Variants in KIR2DL3 observed in about 807,000 individuals in gnomAD.
KIR2DL3 encodes the protein killer cell immunoglobulin like receptor, two Ig domains and long cytoplasmic tail 3.
In KIR2DL3, 39 loss-of-function variants were observed where a neutral mutation model predicts 33.8. That is an observed-to-expected ratio of 1.15 (90% CI 0.89 to 1.51). The LOEUF is 1.51. KIR2DL3 is among the 40% of genes most tolerant of loss of function. The pLI is 0.00. For missense variants in KIR2DL3, 462 were observed against 426.2 expected, an observed-to-expected ratio of 1.08 and a Z score of -0.74; for synonymous variants, 174 against 160.2, an observed-to-expected ratio of 1.09 and a Z score of -0.65.
intron 5 of KIR2DL3, among the ~76,000 whole-genome samples, chr19:54,749,008 C>T (rs1295116198): frequency 2.6e-5 from 4 of 151,966 alleles, no homozygotes; most frequent in Admixed American, 6.5e-5. Flanking sequence ...ATATTTGTGA[C>T]ATTAATGAAA....
At chr19:54,747,859 C>T (rs1458427599) in intron 5 of KIR2DL3, among the ~76,000 whole-genome samples, 3 of 152,236 alleles carry the variant, frequency 2.0e-5, no homozygotes, top group Non-Finnish European at 4.4e-5. Flanking sequence ...TGCACGCACA[C>T]TTCGACTCAC....
rs144881088 is a variant in KIR2DL3, at chr19:54,751,734, C to G, written c.801C>G (p.Arg267=). 1,106 of 1,469,946 alleles carry G rather than the reference C, an allele frequency of 7.5e-4. 233 individuals are homozygous for G. The African/African-American group carries it at 0.015, about 21-fold the overall frequency. 91.1% of individuals were successfully genotyped at this position (1,469,946 alleles called of 1,614,324 possible). ...FILLLFFLLH[R]WCCNKKNAVV... ...TCCTCCTCTTCTTTCTCCTTCATCG[C>G]TGGTGCTGCAACAAAAAAAGTAAGT... The change falls in exon 6 of 8, where the codon CGC becomes CGG. Residue 267 remains arginine, a synonymous_variant. Coordinates refer to ENST00000342376, the MANE Select transcript of KIR2DL3 (RefSeq NM_015868.3).
intron 2 of KIR2DL3, among the ~76,000 whole-genome samples, chr19:54,739,972 T>C (rs643236): frequency 0.17 from 21,506 of 123,178 alleles, 3 homozygotes; most frequent in South Asian, 0.25. Flanking sequence ...CTGATATCCA[T>C]TCACAAAGGA....
Position 54,742,168 on chromosome 19 carries a change from A to G in KIR2DL3, c.259A>G (p.Ile87Val), listed in dbSNP as rs749473316. Residue 87 changes from isoleucine to valine, a missense_variant, in exon 3 of 8, where the codon ATC (isoleucine) becomes GTC (valine). Physicochemically the swap from Ile to Val is conservative, Grantham distance 29 (BLOSUM62 3). Transcript: ENST00000342376. ...TGGGGTCTCCAAGGCCAACTTCTCCATCGGTCCCATGATGCAAGACCTTGC... is the reference window on the plus strand; with the variant it reads ...TGGGGTCTCCAAGGCCAACTTCTCCGTCGGTCCCATGATGCAAGACCTTGC... The part of the protein sequence containing the change: ...HDGVSKANFS[I>V]GPMMQDLAGT... The G allele has an allele frequency of 1.2e-5, 19 of 1,614,148 alleles. No homozygotes were observed. The highest frequency in any genetic ancestry group is 1.6e-5 in the Non-Finnish European group (19 of 1,180,008).
In KIR2DL3 at chr19:54,744,023, G is replaced by A. The variant is rs1319460528; in HGVS notation, c.599G>A (p.Gly200Asp). 2 of 1,614,228 alleles carry A rather than the reference G, an allele frequency of 1.2e-6. No individual in the cohort carries two copies. Among genetic ancestry groups the A allele is most frequent in the Admixed American group, 1.7e-5 (1 of 60,032 alleles). Residue 200 changes from glycine (G) to aspartate (D), a missense_variant, in exon 4 of 8, where the codon GGC (glycine) becomes GAC (aspartate). Physicochemically the swap from Gly to Asp is moderately conservative, Grantham distance 94. Coordinates refer to ENST00000342376, the MANE Select transcript of KIR2DL3 (RefSeq NM_015868.3). ...CACGGAGGAACCTACAGATGCTTCG[G>A]CTCTTTCCGTGACTCTCCATACGAG... ...ATHGGTYRCFGSFRDSPYEWS... is the reference protein window; with the variant it reads ...ATHGGTYRCFDSFRDSPYEWS...
intron 5 of KIR2DL3, among the ~76,000 whole-genome samples, chr19:54,748,177 A>G (rs1296078136): frequency 2.0e-5 from 3 of 151,122 alleles, no homozygotes; most frequent in African/African-American, 7.3e-5. Context: ...GACTGGTCAC[A>G]TCTCACATGG....
chr19:54,748,638 T>C (rs561169264), intron 5 of KIR2DL3, among the ~76,000 whole-genome samples: 2,230 of 147,362 alleles, frequency 0.015, 82 homozygotes, highest in African/African-American at 0.052. Flanking sequence ...CTTTTGTTTA[T>C]TGAGACAGAG....
intron 1 of KIR2DL3, 70 bp downstream of exon 1, chr19:54,738,649 G>C (rs1196574141): frequency 1.4e-5 from 22 of 1,610,968 alleles, no homozygotes; most frequent in African/African-American, 9.3e-5. Flanking sequence ...TGGAGATATA[G>C]GCCTGGAAGT....
At chr19:54,751,908 G>A (rs1157436768) in intron 6 of KIR2DL3, among the ~76,000 whole-genome samples, 155 bp downstream of exon 6, 2 of 133,002 alleles carry the variant, frequency 1.5e-5, no homozygotes, top group Admixed American at 1.6e-4. Context: ...CAGACTCCCT[G>A]TCCCTGCCTT....
Position 54,741,201 on chromosome 19 carries a change from T to C in KIR2DL3, c.71-779T>C, listed in dbSNP as rs557623946. On this transcript the variant is annotated intron_variant, in intron 2 of 7. Coordinates refer to ENST00000342376, the MANE Select transcript of KIR2DL3 (RefSeq NM_015868.3). Reference sequence around the variant, plus strand: ...GAAACAACCCAAGGAAAGCCAGGCATGGTGGCAGGTGCATGTAATCCTAGC... The same window carrying C: ...GAAACAACCCAAGGAAAGCCAGGCACGGTGGCAGGTGCATGTAATCCTAGC... Among the ~76,000 whole-genome samples, 6 of 151,248 alleles carry C rather than the reference T, an allele frequency of 4.0e-5. No individual in the cohort carries two copies. In the East Asian group the frequency reaches 7.8e-4, roughly 20 times the overall value.
intron 3 of KIR2DL3, among the ~76,000 whole-genome samples, chr19:54,743,286 TAGAG>T (rs1156455790): frequency 3.3e-5 from 5 of 151,268 alleles, no homozygotes; most frequent in South Asian, 2.1e-4. Flanking sequence ...TACGTACAGA[TAGAG>T]AGGCAGACAG....
At chr19:54,743,010 T>C (rs1367534241) in intron 3 of KIR2DL3, among the ~76,000 whole-genome samples, 2 of 151,642 alleles carry the variant, frequency 1.3e-5, no homozygotes, top group Admixed American at 1.3e-4. Context: ...GTGAGAATGA[T>C]GGCAGGGAGC....
chr19:54,744,954 A>ATATTTTTT (rs1398407460), intron 4 of KIR2DL3, among the ~76,000 whole-genome samples: 4 of 31,272 alleles, frequency 1.3e-4, no homozygotes, highest in Non-Finnish European at 2.4e-4. Context: ...ATATATATAT[A>ATATTTTTT]TTTTTTTTTT....
intron 4 of KIR2DL3, among the ~76,000 whole-genome samples, chr19:54,744,529 CA>C (rs2071896545): frequency 6.7e-6 from 1 of 148,908 alleles, no homozygotes; most frequent in South Asian, 2.1e-4. Context: ...CCACCTTTAA[CA>C]TTTTTTTTTT....
intron 1 of KIR2DL3, among the ~76,000 whole-genome samples, chr19:54,739,063 G>T (rs1264209507): frequency 1.3e-5 from 2 of 151,148 alleles, no homozygotes; most frequent in African/African-American, 4.9e-5. Context: ...TATGGGCCTA[G>T]AGGTGGATAT....
rs2071637862 is a variant in KIR2DL3, at chr19:54,743,722, G to T, written c.371-73G>T. ...GCATTAGGTCATAGAGCAGGGGAGT[G>T]AGTTCTCAGCTCAGGTGAAGGGAGC... On this transcript the variant is annotated intron_variant, in intron 3 of 7. Coordinates refer to ENST00000342376, the MANE Select transcript of KIR2DL3 (RefSeq NM_015868.3). 2.4e-6 allele frequency: 3 copies of T among 1,262,802 alleles called. No individual in the cohort carries two copies. In the South Asian group the frequency reaches 4.2e-5, roughly 18 times the overall value. The allele number at this position is 1,262,802 out of a possible 1,614,324, so 78.2% of individuals were successfully genotyped here. A position where few individuals can be genotyped will look rare whatever the true frequency, so the allele number is the denominator to read the frequency against.
At chr19:54,743,583 A>C (rs1304246018) in intron 3 of KIR2DL3, among the ~76,000 whole-genome samples, 4 of 152,162 alleles carry the variant, frequency 2.6e-5, no homozygotes, top group African/African-American at 9.7e-5. Context: ...AAAAGGGAAA[A>C]CATATCTAGA....
intron 4 of KIR2DL3, among the ~76,000 whole-genome samples, chr19:54,745,162 C>G (rs1297633676): frequency 1.3e-5 from 2 of 151,558 alleles, no homozygotes; most frequent in African/African-American, 4.9e-5. Context: ...CTCCACTGTG[C>G]GTATGTACTA....
At chr19:54,743,438 A>G (rs2071575377) in intron 3 of KIR2DL3, among the ~76,000 whole-genome samples, 1 of 151,478 alleles carries the variant, frequency 6.6e-6, no homozygotes, top group South Asian at 2.1e-4. Flanking sequence ...GAATAGATAA[A>G]TAGATAGATC....
Sources: allele counts gnomAD v4.1 joint callset (sites outside exome capture counted in the v4.1 genomes callset), GRCh38; gene constraint gnomAD v4.1.1; transcripts MANE v1.5; gene names NCBI Gene and HGNC (gene_info 2026-07-23, HGNC 2026-07-21).